Variants in MEI4 observed in about 807,000 individuals in gnomAD.
MEI4 encodes meiosis-specific protein MEI4.
MEI4 carries 27 observed loss-of-function variants against 31.4 expected under a neutral mutation model. That is an observed-to-expected ratio of 0.86 (90% CI 0.63 to 1.19). MEI4 has a LOEUF of 1.19. MEI4 is among the 50% of genes most tolerant of loss of function. The probability of loss-of-function intolerance (pLI) is 0.00; values close to 1 mark genes in which losing one functional copy is unlikely to be tolerated. For missense variants in MEI4, 329 were observed against 398.9 expected (o/e 0.82, Z 1.49); for synonymous variants, 122 against 145.4 (o/e 0.84, Z 1.16).
At chr6:77,915,946 A>ATTCTT (rs1348698901) in intron 4 of MEI4, among the ~76,000 whole-genome samples, 3 of 151,758 alleles carry the variant, frequency 2.0e-5, no homozygotes. Flanking sequence ...TTCTTTATTC[A>ATTCTT]TTCTTTTTCA....
intron 4 of MEI4, among the ~76,000 whole-genome samples, chr6:77,885,997 T>C (rs1771609948): frequency 6.6e-6 from 1 of 152,202 alleles, no homozygotes; most frequent in Non-Finnish European, 1.5e-5. Context: ...CTTACATCTC[T>C]AGGATAAATC....
intron 2 of MEI4, among the ~76,000 whole-genome samples, chr6:77,705,659 C>T (rs938545445): frequency 6.6e-6 from 1 of 152,182 alleles, no homozygotes; most frequent in African/African-American, 2.4e-5. Flanking sequence ...GTGGGATCCA[C>T]ATTGGCTTTA....
chr6:77,735,994 C>G (rs1053694687), intron 2 of MEI4, among the ~76,000 whole-genome samples: 1 of 152,022 alleles, frequency 6.6e-6, no homozygotes, highest in African/African-American at 2.4e-5. Flanking sequence ...TGCCCGTTCT[C>G]AGATCTCCAG....
chr6:77,849,850 A>G (rs1428724979), intron 4 of MEI4, among the ~76,000 whole-genome samples: 2 of 152,138 alleles, frequency 1.3e-5, no homozygotes, highest in Non-Finnish European at 2.9e-5. Context: ...TTTATACAAT[A>G]TTTTGTTAAC....
chr6:77,733,615 G>T (rs2127669093), intron 2 of MEI4, among the ~76,000 whole-genome samples: 1 of 151,824 alleles, frequency 6.6e-6, no homozygotes, highest in East Asian at 1.9e-4. Flanking sequence ...GGTTTTTTGT[G>T]CCTCTATTTC....
intron 1 of MEI4, among the ~76,000 whole-genome samples, chr6:77,661,847 G>T (rs529491140): frequency 6.6e-6 from 1 of 152,124 alleles, no homozygotes; most frequent in Non-Finnish European, 1.5e-5. Context: ...CAAAGTGAAG[G>T]AGAAAAACTG....
intron 2 of MEI4, among the ~76,000 whole-genome samples, chr6:77,726,905 A>C (rs1263507646): frequency 6.6e-6 from 1 of 151,830 alleles, no homozygotes; most frequent in Non-Finnish European, 1.5e-5. Flanking sequence ...AAGATTTTGA[A>C]ATTGGTGCTT....
intron 3 of MEI4, among the ~76,000 whole-genome samples, chr6:77,796,276 G>T (rs921959819): frequency 1.3e-5 from 2 of 152,098 alleles, no homozygotes; most frequent in African/African-American, 2.4e-5. Flanking sequence ...CATACTCAGT[G>T]GTGAAAAGTT....
intron 3 of MEI4, among the ~76,000 whole-genome samples, chr6:77,812,230 T>C (rs970212819): frequency 6.6e-6 from 1 of 152,098 alleles, no homozygotes; most frequent in Non-Finnish European, 1.5e-5. Context: ...CAAGCAGCTG[T>C]TGCAAACTCA....
rs59620092 is a variant in MEI4 at position 77,748,586 on chromosome 6, A to G, written c.233-12544A>G. Among the ~76,000 whole-genome samples the G allele has an allele frequency of 8.6e-3, 1,305 of 152,332 alleles. 24 individuals are homozygous for G. Among genetic ancestry groups the G allele is most frequent in the African/African-American group, 0.03 (1,239 of 41,586 alleles). On this transcript the variant is annotated intron_variant, in intron 2 of 4. Transcript: ENST00000684080. The stretch of plus-strand genomic sequence containing the variant: ...GGGGGCCCGTGATGGGAGGGGCTGC[A>G]TTAAAGGTCTCTGACATCCGTGGAG...
chr6:77,713,895 G>A (rs916000988), intron 2 of MEI4, among the ~76,000 whole-genome samples: 12 of 151,968 alleles, frequency 7.9e-5, no homozygotes, highest in African/African-American at 2.9e-4. Context: ...CATGCTTATT[G>A]CCTCTACAGT....
rs1186743381 is a variant in MEI4 at position 77,868,499 on chromosome 6, CTACATATATA to C, written c.900+39440_900+39449del. On this transcript the variant is annotated intron_variant, in intron 4 of 4. Coordinates refer to ENST00000684080, the MANE Select transcript of MEI4 (RefSeq NM_001322247.2). Reference sequence around the variant, plus strand: ...GGAAAAAACTTCCATGTAAAAAATACTACATATATATATATATATATATATATATGCAGAT... The same window carrying C: ...GGAAAAAACTTCCATGTAAAAAATACTATATATATATATATATATGCAGAT... Among the ~76,000 whole-genome samples, 80 of 61,728 alleles carry C rather than the reference CTACATATATA, an allele frequency of 1.3e-3. 9 individuals carry two copies. The Middle Eastern group carries it at 0.047, about 36-fold the overall frequency. The allele number at this position is 61,728 out of a possible 152,430, so 40.5% of individuals were successfully genotyped here. A position where few individuals can be genotyped will look rare whatever the true frequency, so the allele number is the denominator to read the frequency against.
rs186678534 is a variant in MEI4 at position 77,751,613 on chromosome 6, G to A, written c.233-9517G>A. ...GACCAATAACAAGTTCTGAAATTGAGGCAGCAATTAATAGCCTACTAACCA... is the reference window on the plus strand; with the variant it reads ...GACCAATAACAAGTTCTGAAATTGAAGCAGCAATTAATAGCCTACTAACCA... On this transcript the variant is annotated intron_variant, in intron 2 of 4. Transcript: ENST00000684080. 1.4e-3 allele frequency among the ~76,000 whole-genome samples: 212 copies of A among 152,066 alleles called. 1 individual carries two copies. The highest frequency in any genetic ancestry group is 4.5e-3 in the African/African-American group (186 of 41,462).
intron 3 of MEI4, among the ~76,000 whole-genome samples, chr6:77,822,134 C>T (rs2127708915): frequency 6.6e-6 from 1 of 152,162 alleles, no homozygotes; most frequent in African/African-American, 2.4e-5. Flanking sequence ...TTCTGCATTA[C>T]ATTAAAATTT....
chr6:77,654,711 T>C (rs1054179292), intron 1 of MEI4, among the ~76,000 whole-genome samples: 2 of 151,576 alleles, frequency 1.3e-5, no homozygotes, highest in Non-Finnish European at 2.9e-5. Flanking sequence ...ATCTGGTTGA[T>C]GGAATATTGT....
At chr6:77,870,844 A>C (rs1247239575) in intron 4 of MEI4, among the ~76,000 whole-genome samples, 1 of 152,210 alleles carries the variant, frequency 6.6e-6, no homozygotes, top group Non-Finnish European at 1.5e-5. Context: ...TTTTCTGATA[A>C]TAAATTACTG....
chr6:77,874,586 A>G (rs1771283823), intron 4 of MEI4, among the ~76,000 whole-genome samples: 1 of 152,152 alleles, frequency 6.6e-6, no homozygotes. Flanking sequence ...TCCTAATTGA[A>G]TACCCTTTAT....
intron 2 of MEI4, among the ~76,000 whole-genome samples, chr6:77,731,359 T>G (rs1766985659): frequency 6.6e-6 from 1 of 151,256 alleles, no homozygotes; most frequent in Non-Finnish European, 1.5e-5. Context: ...GGTTTTGATT[T>G]GCATTTCTCT....
chr6:77,740,226 G>A (rs1767363706), intron 2 of MEI4, among the ~76,000 whole-genome samples: 1 of 152,166 alleles, frequency 6.6e-6, no homozygotes, highest in African/African-American at 2.4e-5. Context: ...TTGATTATGT[G>A]ATCGATTTTA....
Sources: gnomAD v4.1 joint callset for allele counts (sites outside exome capture counted in the v4.1 genomes callset) on GRCh38, gnomAD v4.1.1 for gene constraint, MANE v1.5 for transcripts, NCBI Gene and HGNC (gene_info 2026-07-23, HGNC 2026-07-21) for gene names.